Variants in MTCH1 observed in about 807,000 individuals in gnomAD.
MTCH1 encodes the protein mitochondrial carrier 1, also known as mitochondrial carrier homolog 1.
MTCH1 carries 23 observed loss-of-function variants against 49.3 expected under a neutral mutation model. That is an observed-to-expected ratio of 0.47 (90% CI 0.34 to 0.66). The LOEUF is 0.66. Ranked by LOEUF, MTCH1 falls within the 30% of genes least tolerant of loss-of-function variation. The pLI is 0.01. For synonymous variants in MTCH1, 229 were observed against 215.2 expected (o/e 1.06, Z -0.56); for missense variants, 397 against 532.1 (o/e 0.75, Z 2.50).
Position 36,985,904 on chromosome 6 carries a change from C to A in MTCH1, c.270G>T (p.Ala90=). 6.4e-7 allele frequency: 1 copy of A among 1,557,968 alleles called. No individual in the cohort carries two copies. Among genetic ancestry groups the A allele is most frequent in the Admixed American group, 1.9e-5 (1 of 51,762 alleles). The change falls in exon 1 of 12, where the codon GCG becomes GCT. Residue 90 remains alanine, a synonymous_variant. Transcript: ENST00000373627. ...TTEALFVALG[A]GVTALSHPLL... is the part of the protein sequence containing the mutation. Reference sequence around the variant, plus strand: ...GGGGATGGCTGAGCGCCGTCACGCCCGCGCCCAGTGCCACGAAAAGAGCCT... The same window carrying A: ...GGGGATGGCTGAGCGCCGTCACGCCAGCGCCCAGTGCCACGAAAAGAGCCT...
At chr6:36,970,204 C>A in intron 10 of MTCH1, 90 bp from the exon 11 acceptor site, 2 of 1,471,682 alleles carry the variant, frequency 1.4e-6, no homozygotes, top group Non-Finnish European at 1.9e-6. Flanking sequence ...CTTCAGGCTA[C>A]CACCCATCCA....
chr6:36,980,537 A>G (rs1764048778), intron 2 of MTCH1, among the ~76,000 whole-genome samples: 1 of 152,262 alleles, frequency 6.6e-6, no homozygotes, highest in Non-Finnish European at 1.5e-5. Flanking sequence ...AAGATGACAC[A>G]TTCCACCTGG....
At chr6:36,969,880 T>C in intron 11 of MTCH1, 159 bp downstream of exon 11, 1 of 1,544,790 alleles carries the variant, frequency 6.5e-7, no homozygotes, top group Non-Finnish European at 8.7e-7. Context: ...TTATGTAAGA[T>C]GAAAACTTAA....
intron 1 of MTCH1, 28 bp from the exon 2 acceptor site, chr6:36,981,700 G>A (rs371241338): frequency 1.1e-5 from 17 of 1,594,498 alleles, no homozygotes; most frequent in Middle Eastern, 3.3e-4. Flanking sequence ...ACAAAGGGAC[G>A]CTCAGAGTCT....
Position 36,973,430 on chromosome 6 carries a change from G to A in MTCH1, c.762-634C>T, listed in dbSNP as rs370860291. Among the ~76,000 whole-genome samples, 25 of 152,084 alleles carry A rather than the reference G, an allele frequency of 1.6e-4. No homozygotes were observed. The East Asian group carries it at 3.3e-3, about 20-fold the overall frequency. On this transcript the variant is annotated intron_variant, in intron 7 of 11. Transcript: ENST00000373627. The stretch of plus-strand genomic sequence containing the variant: ...AGGTACAGAGTGCCCTGGGAGGCTC[G>A]CCAGGAGAAGGATGGCTGTCTCCTG...
intron 3 of MTCH1, 88 bp from the exon 4 acceptor site, chr6:36,978,243 A>G (rs1763961532): frequency 2.4e-5 from 29 of 1,213,622 alleles, no homozygotes; most frequent in Non-Finnish European, 3.5e-5. Flanking sequence ...CCAGCTCCAA[A>G]TATTTCCTCT....
intron 7 of MTCH1, among the ~76,000 whole-genome samples, chr6:36,973,379 G>A (rs984437964): frequency 1.3e-5 from 2 of 152,098 alleles, no homozygotes; most frequent in Non-Finnish European, 2.9e-5. Context: ...TGCCTCTTGT[G>A]TTTTTTACAA....
At chr6:36,978,034 G>T in intron 4 of MTCH1, 44 bp downstream of exon 4, 1 of 1,520,084 alleles carries the variant, frequency 6.6e-7, no homozygotes, top group Non-Finnish European at 9.1e-7. Context: ...AAATCATCAG[G>T]CTCCCCTCCA....
rs934057573 is a variant in MTCH1 at position 36,982,052 on chromosome 6, T to C, written c.322-380A>G. 1.3e-5 allele frequency among the ~76,000 whole-genome samples: 2 copies of C among 152,190 alleles called. No homozygotes were observed. The highest frequency in any genetic ancestry group is 2.9e-5 in the Non-Finnish European group (2 of 68,040). On this transcript the variant is annotated intron_variant, in intron 1 of 11. Coordinates refer to ENST00000373627, the MANE Select transcript of MTCH1 (RefSeq NM_001271641.2). The surrounding 1 kb of genome is among the most constrained non-coding windows in gnomAD (Gnocchi z 4.1). ...TTATTCTCATCTCCAGATGAAAAAC[T>C]TCATTCCAACCTCAATTCCAAATGT...
intron 1 of MTCH1, among the ~76,000 whole-genome samples, chr6:36,983,160 G>A (rs1478325278): frequency 6.6e-6 from 1 of 152,128 alleles, no homozygotes; most frequent in Non-Finnish European, 1.5e-5. Flanking sequence ...TCTATGATGG[G>A]GACTGTCTTT....
chr6:36,980,805 C>T (rs1215086823), intron 2 of MTCH1, among the ~76,000 whole-genome samples: 1 of 152,198 alleles, frequency 6.6e-6, no homozygotes, highest in Non-Finnish European at 1.5e-5. Flanking sequence ...AGAAGGCCTT[C>T]ATCATGGTCA....
At chr6:36,971,073 G>A (rs1399378636) in intron 8 of MTCH1, among the ~76,000 whole-genome samples, 1 of 152,168 alleles carries the variant, frequency 6.6e-6, no homozygotes, top group African/African-American at 2.4e-5. Context: ...GGTGAGGTGA[G>A]GGCAAGTCCA....
At position 36,978,155 on chromosome 6, in the gene MTCH1, C is replaced by T; in HGVS notation, c.514G>A (p.Val172Ile). Reference protein sequence around the residue: ...STVTRGSMKKVFPPDEIEQVS... With the variant: ...STVTRGSMKKIFPPDEIEQVS... ...TGCTCAATCTCATCTGGAGGGAAAA[C>T]CTGAAACAGAGAAGGGAAAGAACCA... Residue 172 changes from valine (V) to isoleucine (I), a missense_variant and splice_region_variant, in exon 4 of 12, where the codon GTT becomes ATT. By Grantham distance (29) the Val-to-Ile change is conservative. Around this residue, in one of 2 missense-constraint regions of MTCH1, gnomAD observed 252 missense variants for 388.3 expected, o/e 0.65. Coordinates refer to ENST00000373627, the MANE Select transcript of MTCH1 (RefSeq NM_001271641.2). 1 of 1,611,796 alleles carries T rather than the reference C, an allele frequency of 6.2e-7. No homozygotes were observed. Among genetic ancestry groups the T allele is most frequent in the East Asian group, 2.2e-5 (1 of 44,876 alleles).
rs1317129316 is a variant in MTCH1 at position 36,978,528 on chromosome 6, C to T, written c.490G>A (p.Val164Met). 6.2e-7 allele frequency: 1 copy of T among 1,614,144 alleles called. No individual in the cohort carries two copies. Among genetic ancestry groups the T allele is most frequent in the East Asian group, 2.2e-5 (1 of 44,884 alleles). The change falls in exon 3 of 12, where the codon GTG (valine) becomes ATG (methionine). Residue 164 changes from valine (V) to methionine (M), a missense_variant. Val to Met is a conservative substitution (Grantham distance 21). Transcript: ENST00000373627. Reference sequence around the variant, plus strand: ...ACCTTCTTCATGCTACCCCGAGTCACAGTAGAGAGGGCGTTGGACATCAGC... The same window carrying T: ...ACCTTCTTCATGCTACCCCGAGTCATAGTAGAGAGGGCGTTGGACATCAGC... The part of the protein sequence containing the change: ...PRLMSNALST[V>M]TRGSMKKVFP...
At chr6:36,971,702 C>A (rs1422836626) in intron 8 of MTCH1, among the ~76,000 whole-genome samples, 3 of 152,196 alleles carry the variant, frequency 2.0e-5, no homozygotes, top group Admixed American at 1.3e-4. Flanking sequence ...GTACCACACA[C>A]ACACACATGC....
rs1763920298 is a variant in MTCH1 at position 36,977,403 on chromosome 6, A to G, written c.650-153T>C. Among the ~76,000 whole-genome samples, 1 of 151,916 alleles carries G rather than the reference A, an allele frequency of 6.6e-6. No homozygotes were observed. Among genetic ancestry groups the G allele is most frequent in the Admixed American group, 6.6e-5 (1 of 15,254 alleles). On this transcript the variant is annotated intron_variant, in intron 5 of 11. Transcript: ENST00000373627. This position sits in a 1 kb window ranked among gnomAD's most constrained non-coding sequence, Gnocchi z 5.4. ...GAGGGCCTTTCGGATTCCCTGTTACACCCCATGACCACAGCATGCCATTTC... is the reference window on the plus strand; with the variant it reads ...GAGGGCCTTTCGGATTCCCTGTTACGCCCCATGACCACAGCATGCCATTTC...
In MTCH1 at chr6:36,972,373, T is replaced by C. The variant is rs537760167; in HGVS notation, c.906+279A>G. ...TATCTTCTGACTTCCTGAGCCCTAGTTGGGTCACTGCCTCGGAGCAGCCTT... is the reference window on the plus strand; with the variant it reads ...TATCTTCTGACTTCCTGAGCCCTAGCTGGGTCACTGCCTCGGAGCAGCCTT... On this transcript the variant is annotated intron_variant, in intron 8 of 11. Transcript: ENST00000373627. The surrounding 1 kb of genome is among the most constrained non-coding windows in gnomAD (Gnocchi z 4.1). Among the ~76,000 whole-genome samples the C allele has an allele frequency of 6.6e-6, 1 of 152,306 alleles. No homozygotes were observed. The highest frequency in any genetic ancestry group is 1.9e-4 in the East Asian group (1 of 5,182).
In MTCH1 at chr6:36,968,512, T is replaced by G. The variant is rs1413365840; in HGVS notation, c.*391A>C. ...AGGAGAATGATGCTCCCAGCTGAGC[T>G]GCAGGATGGGCGCTGGGCTGACTGG... On this transcript the variant is annotated 3_prime_UTR_variant, in exon 12 of 12. Coordinates refer to ENST00000373627, the MANE Select transcript of MTCH1 (RefSeq NM_001271641.2). 1 of 362,028 alleles carries G rather than the reference T, an allele frequency of 2.8e-6. No homozygotes were observed. Among genetic ancestry groups the G allele is most frequent in the African/African-American group, 2.1e-5 (1 of 46,856 alleles). 22.4% of individuals were successfully genotyped at this position (362,028 alleles called of 1,614,324 possible).
intron 3 of MTCH1, 137 bp from the exon 4 acceptor site, chr6:36,978,292 A>G: frequency 1.1e-6 from 1 of 887,768 alleles, no homozygotes; most frequent in Non-Finnish European, 1.8e-6. Context: ...GGTAACCTCC[A>G]GGTCTGGAGC....
Sources: allele counts gnomAD v4.1 joint callset (sites outside exome capture counted in the v4.1 genomes callset), GRCh38; gene constraint gnomAD v4.1.1; regional missense constraint gnomAD v4.1.1; non-coding constraint Gnocchi (gnomAD v3.1); transcripts MANE v1.5; gene names NCBI Gene and HGNC (gene_info 2026-07-23, HGNC 2026-07-21).